SLC38A7: variants seen among roughly 807,000 people sequenced by gnomAD.
SLC38A7 encodes solute carrier family 38 member 7, also known as sodium-coupled neutral amino acid transporter 7.
SLC38A7 carries 29 observed loss-of-function variants against 50.1 expected under a neutral mutation model. The observed-to-expected ratio is 0.58, with a 90% CI of 0.43 to 0.79. SLC38A7 has a LOEUF of 0.79. Among genes scored for constraint, SLC38A7 ranks in the 30% least tolerant of loss-of-function variants. The pLI is 0.00. For synonymous variants in SLC38A7, 244 were observed against 245.9 expected (o/e 0.99, Z 0.07); for missense variants, 483 against 610.6 (o/e 0.79, Z 2.20).
intron 8 of SLC38A7, among the ~76,000 whole-genome samples, 167 bp from the exon 9 acceptor site, chr16:58,672,410 G>C (rs1417150136): frequency 6.6e-6 from 1 of 152,040 alleles, no homozygotes; most frequent in East Asian, 1.9e-4. Context: ...CTCCCTCCCT[G>C]ACTTCTCAGA....
At chr16:58,679,469 C>A (rs914337720) in intron 3 of SLC38A7, 7 of 469,118 alleles carry the variant, frequency 1.5e-5, no homozygotes, top group African/African-American at 1.4e-4. Flanking sequence ...CAATGCATGG[C>A]CAACTTGTTT....
intron 8 of SLC38A7, among the ~76,000 whole-genome samples, chr16:58,674,530 G>T (rs2044225755): frequency 6.6e-6 from 1 of 152,046 alleles, no homozygotes; most frequent in Non-Finnish European, 1.5e-5. Flanking sequence ...TCCCACCTTG[G>T]CCTCCCATAG....
Position 58,667,407 on chromosome 16 carries a change from A to G in SLC38A7, c.1367T>C (p.Ile456Thr). 1 of 1,614,070 alleles carries G rather than the reference A, an allele frequency of 6.2e-7. No individual in the cohort carries two copies. The highest frequency in any genetic ancestry group is 1.1e-5 in the South Asian group (1 of 91,084). Reference protein sequence around the residue: ...FIFGQTTANAIFVDLLA With the variant: ...FIFGQTTANATFVDLLA ...TGGTTATGCCAAGAGATCCACAAAGATGGCGTTGGCTGTGGTCTGGCCGAA... is the reference window on the plus strand; with the variant it reads ...TGGTTATGCCAAGAGATCCACAAAGGTGGCGTTGGCTGTGGTCTGGCCGAA... The change falls in exon 12 of 12, where the codon ATC becomes ACC. Residue 456 changes from isoleucine (I) to threonine (T), a missense_variant. By Grantham distance (89) the Ile-to-Thr change is moderately conservative (BLOSUM62 -1). Transcript: ENST00000219320.
At position 58,666,911 on chromosome 16, in the gene SLC38A7, T is replaced by G; in HGVS notation, c.*474A>C. The G allele has an allele frequency of 6.0e-6, 1 of 165,304 alleles. No homozygotes were observed. Among genetic ancestry groups the G allele is most frequent in the Admixed American group, 6.3e-5 (1 of 15,814 alleles). The allele number at this position is 165,304 out of a possible 1,614,324, so 10.2% of individuals were successfully genotyped here. A position where few individuals can be genotyped will look rare whatever the true frequency, so the allele number is the denominator to read the frequency against. ...CTACCTGACTATGCATTTGCATGACTTCAGTGCTACCGTTGGAAGTGGCCA... is the reference window on the plus strand; with the variant it reads ...CTACCTGACTATGCATTTGCATGACGTCAGTGCTACCGTTGGAAGTGGCCA... On this transcript the variant is annotated 3_prime_UTR_variant, in exon 12 of 12. Coordinates refer to ENST00000219320, the MANE Select transcript of SLC38A7 (RefSeq NM_018231.3).
Position 58,665,693 on chromosome 16 carries a change from TGA to T in SLC38A7, c.*1690_*1691del, listed in dbSNP as rs2044022652. 2 of 151,408 alleles carry T rather than the reference TGA, an allele frequency of 1.3e-5. No individual in the cohort carries two copies. The highest frequency in any genetic ancestry group is 2.9e-5 in the Non-Finnish European group (2 of 68,116). The allele number at this position is 151,408 out of a possible 1,614,324, so 9.4% of individuals were successfully genotyped here. On this transcript the variant is annotated 3_prime_UTR_variant, in exon 12 of 12. Transcript: ENST00000219320. ...GATTGGTGCCTGGGATTGGCCAAAG[TGA>T]GAGGGGGCAGCTGAGGGGCTGAGGT...
At chr16:58,671,963 T>C in intron 9 of SLC38A7, 133 bp downstream of exon 9, 1 of 1,142,004 alleles carries the variant, frequency 8.8e-7, no homozygotes. Flanking sequence ...TAGGGACCCA[T>C]CCTAGGCACC....
chr16:58,677,153 C>A (rs901048750), intron 6 of SLC38A7, among the ~76,000 whole-genome samples, 173 bp downstream of exon 6: 2 of 152,106 alleles, frequency 1.3e-5, no homozygotes, highest in Admixed American at 6.6e-5. Flanking sequence ...CTCTTCCTTC[C>A]AGTAACATCA....
intron 2 of SLC38A7, among the ~76,000 whole-genome samples, chr16:58,682,237 G>A (rs1466175968): frequency 2.0e-5 from 3 of 152,100 alleles, no homozygotes; most frequent in African/African-American, 7.2e-5. Context: ...CCCTGGGATA[G>A]CTAATGGGAG....
chr16:58,670,846 G>A (rs1479191843), intron 10 of SLC38A7, among the ~76,000 whole-genome samples, 199 bp downstream of exon 10: 2 of 152,210 alleles, frequency 1.3e-5, no homozygotes, highest in East Asian at 3.8e-4. Context: ...CGTGCCATCA[G>A]TAAACTGGAG....
Position 58,667,415 on chromosome 16 carries a change from G to A in SLC38A7, c.1359C>T (p.Ala453=). 6.2e-7 allele frequency: 1 copy of A among 1,614,104 alleles called. No homozygotes were observed. ...CCAAGAGATCCACAAAGATGGCGTT[G>A]GCTGTGGTCTGGCCGAAGATGAAGG... The part of the protein sequence containing the change: ...LGAFIFGQTT[A]NAIFVDLLA The change falls in exon 12 of 12, where the codon GCC becomes GCT. Residue 453 remains alanine, a synonymous_variant. Transcript: ENST00000219320.
At chr16:58,679,819 C>A (rs1597679039) in intron 3 of SLC38A7, 38 bp downstream of exon 3, 1 of 1,611,026 alleles carries the variant, frequency 6.2e-7, no homozygotes, top group East Asian at 2.2e-5. Flanking sequence ...AAGCGCCCAA[C>A]TGAACTGCAC....
chr16:58,678,377 C>T lies in SLC38A7; in HGVS notation c.567G>A (p.Leu189=), dbSNP rs760669502. 2 of 1,598,670 alleles carry T rather than the reference C, an allele frequency of 1.3e-6. No homozygotes were observed. Among genetic ancestry groups the T allele is most frequent in the Non-Finnish European group, 8.5e-7 (1 of 1,172,452 alleles). ...TISLTAFLFI[L]PLSIPREIGF... ...CAATCTCCCTGGGGATGGAGAGGGG[C>T]AGGATGAAGAGGAAGGCAGTGAGGC... The change falls in exon 5 of 12, where the codon CTG becomes CTA. Residue 189 remains leucine (L), a synonymous_variant. Coordinates refer to ENST00000219320, the MANE Select transcript of SLC38A7 (RefSeq NM_018231.3). This position sits in a 1 kb window ranked among gnomAD's most constrained non-coding sequence, Gnocchi z 4.0.
At chr16:58,676,983 C>T (rs763109844) in intron 6 of SLC38A7, among the ~76,000 whole-genome samples, 54 of 151,490 alleles carry the variant, frequency 3.6e-4, no homozygotes, top group Non-Finnish European at 6.2e-4. Flanking sequence ...AATAAATTCA[C>T]CCTCAAAGAT....
Position 58,676,345 on chromosome 16 carries a change from G to A in SLC38A7, c.712C>T (p.Pro238Ser), listed in dbSNP as rs753144762. The change falls in exon 7 of 12, where the codon CCG (proline) becomes TCG (serine). Residue 238 changes from proline to serine, a missense_variant and splice_region_variant. By Grantham distance (74) the Pro-to-Ser change is moderately conservative (BLOSUM62 -1). Transcript: ENST00000219320. ...EMTPGNILTRPASWMAVFNAM... is the reference protein window; with the variant it reads ...EMTPGNILTRSASWMAVFNAM... ...TTGAACACAGCCATCCAGGAAGCCG[G>A]CCTGTGAACAAACACACATGGTGCT... 26 of 1,614,110 alleles carry A rather than the reference G, an allele frequency of 1.6e-5. No individual in the cohort carries two copies. In the East Asian group the frequency reaches 5.8e-4, roughly 36 times the overall value.
intron 7 of SLC38A7, 106 bp downstream of exon 7, chr16:58,676,183 C>G: frequency 1.3e-6 from 2 of 1,572,296 alleles, no homozygotes; most frequent in Non-Finnish European, 1.7e-6. Flanking sequence ...CATCCTTCCC[C>G]CCAGGATTTC....
chr16:58,683,255 G>A (rs2044429978), intron 2 of SLC38A7, among the ~76,000 whole-genome samples: 1 of 152,130 alleles, frequency 6.6e-6, no homozygotes, highest in African/African-American at 2.4e-5. Flanking sequence ...CTAACCATTG[G>A]GCCACCCTCT....
chr16:58,681,303 G>A (rs75623889), intron 2 of SLC38A7: 3,525 of 152,206 alleles, frequency 0.023, 58 homozygotes, highest in Non-Finnish European at 0.038. Flanking sequence ...CTGACCATAG[G>A]GCATCCATCT....
At chr16:58,670,188 C>G (rs1279970317) in intron 10 of SLC38A7, 21 bp from the exon 11 acceptor site, 2 of 1,613,756 alleles carry the variant, frequency 1.2e-6, no homozygotes, top group Non-Finnish European at 1.7e-6. Context: ...AGAAGTGGCC[C>G]TGAGCATTTG....
chr16:58,676,900 C>T (rs567663042), intron 6 of SLC38A7, among the ~76,000 whole-genome samples: 3 of 152,114 alleles, frequency 2.0e-5, no homozygotes, highest in East Asian at 3.9e-4. Flanking sequence ...ATGATCCGCC[C>T]GCCTCGGCCT....
Sources: gnomAD v4.1 joint callset for allele counts (sites outside exome capture counted in the v4.1 genomes callset) on GRCh38, gnomAD v4.1.1 for gene constraint, Gnocchi (gnomAD v3.1) non-coding constraint, MANE v1.5 for transcripts, NCBI Gene and HGNC (gene_info 2026-07-23, HGNC 2026-07-21) for gene names.